Variants in GPR141 observed in about 807,000 individuals in gnomAD.
GPR141 encodes the protein G protein-coupled receptor 141.
Under a neutral mutation model 6.8 loss-of-function variants are expected in GPR141, and 6 were observed. The observed-to-expected ratio is 0.88, with a 90% CI of 0.48 to 1.74. The LOEUF (loss-of-function observed/expected upper bound fraction) is 1.74, where lower values mean the gene tolerates loss of function less well. Among genes scored for constraint, GPR141 ranks in the 40% most tolerant of loss-of-function variants. GPR141 has a pLI of 0.01. For missense variants in GPR141, 372 were observed against 372.9 expected, an observed-to-expected ratio of 1.00 and a Z score of 0.02; for synonymous variants, 140 against 142.3, an observed-to-expected ratio of 0.98 and a Z score of 0.11.
chr7:37,697,182 GTT>G (rs141967098), intron 2 of GPR141, among the ~76,000 whole-genome samples: 3 of 151,354 alleles, frequency 2.0e-5, no homozygotes, highest in East Asian at 1.9e-4. Context: ...TTATTTTACT[GTT>G]TTTTTTTCCC....
intron 2 of GPR141, among the ~76,000 whole-genome samples, chr7:37,736,461 A>C (rs886599954): frequency 6.6e-6 from 1 of 150,956 alleles, no homozygotes; most frequent in Non-Finnish European, 1.5e-5. Flanking sequence ...ACATTAACCT[A>C]TAAATTTAAG....
At chr7:37,737,759 G>A (rs1404913417) in intron 2 of GPR141, among the ~76,000 whole-genome samples, 1 of 152,042 alleles carries the variant, frequency 6.6e-6, no homozygotes, top group Non-Finnish European at 1.5e-5. Flanking sequence ...TTTTGCAATA[G>A]TGCAACAGAC....
intron 2 of GPR141, among the ~76,000 whole-genome samples, chr7:37,691,288 C>CTTTTT (rs1562764892): frequency 2.1e-4 from 13 of 63,084 alleles, no homozygotes; most frequent in East Asian, 1.0e-3. Context: ...AGTCTATATC[C>CTTTTT]TTTTTTTTTT....
chr7:37,722,623 G>C (rs148826205), intron 2 of GPR141, among the ~76,000 whole-genome samples: 14 of 151,286 alleles, frequency 9.3e-5, no homozygotes, highest in Non-Finnish European at 2.1e-4. Flanking sequence ...TTGGGAGGTT[G>C]ATGCAGGAAA....
intron 2 of GPR141, among the ~76,000 whole-genome samples, chr7:37,707,694 T>C (rs1000831437): frequency 3.0e-4 from 46 of 152,204 alleles, no homozygotes; most frequent in Non-Finnish European, 7.4e-5. Flanking sequence ...TAGTAAATAA[T>C]AAAGGCAAGA....
chr7:37,722,080 T>A (rs949344638), intron 2 of GPR141, among the ~76,000 whole-genome samples: 1 of 152,226 alleles, frequency 6.6e-6, no homozygotes, highest in Admixed American at 6.5e-5. Context: ...CTTGGCACTA[T>A]TAATCTATAT....
At chr7:37,687,682 C>T (rs1245674506) in intron 2 of GPR141, among the ~76,000 whole-genome samples, 2 of 152,030 alleles carry the variant, frequency 1.3e-5, no homozygotes, top group East Asian at 3.9e-4. Context: ...AGCTTAGTCC[C>T]CTCTCTGAGG....
chr7:37,707,022 C>T (rs1305641132), intron 2 of GPR141, among the ~76,000 whole-genome samples: 1 of 152,118 alleles, frequency 6.6e-6, no homozygotes, highest in Non-Finnish European at 1.5e-5. Flanking sequence ...CCCTCCAGAG[C>T]TTCCCTGACC....
chr7:37,705,182 C>G (rs1490746108), intron 2 of GPR141, among the ~76,000 whole-genome samples: 1 of 152,180 alleles, frequency 6.6e-6, no homozygotes, highest in African/African-American at 2.4e-5. Flanking sequence ...TATTAAAGCT[C>G]TGAACAGAAT....
intron 2 of GPR141, among the ~76,000 whole-genome samples, chr7:37,695,925 T>C (rs765327011): frequency 6.6e-6 from 1 of 152,236 alleles, no homozygotes; most frequent in Non-Finnish European, 1.5e-5. Flanking sequence ...TTGACAATTT[T>C]AGGTCCCTTG....
chr7:37,687,086 T>C (rs1250377875), intron 2 of GPR141, among the ~76,000 whole-genome samples: 1 of 152,040 alleles, frequency 6.6e-6, no homozygotes, highest in African/African-American at 2.4e-5. Flanking sequence ...TGCTCCCTGA[T>C]AAAGAAGTTC....
At chr7:37,719,278 C>A (rs1024291351) in intron 2 of GPR141, among the ~76,000 whole-genome samples, 1 of 152,188 alleles carries the variant, frequency 6.6e-6, no homozygotes, top group African/African-American at 2.4e-5. Flanking sequence ...TAAGATATGA[C>A]TGCAAAAGCC....
chr7:37,725,830 T>C (rs1781835026), intron 2 of GPR141, among the ~76,000 whole-genome samples: 1 of 151,904 alleles, frequency 6.6e-6, no homozygotes, highest in Non-Finnish European at 1.5e-5. Context: ...CTATTTACCA[T>C]GTTTGCTTTG....
At chr7:37,737,334 T>C (rs1197832603) in intron 2 of GPR141, among the ~76,000 whole-genome samples, 1 of 127,038 alleles carries the variant, frequency 7.9e-6, no homozygotes, top group Non-Finnish European at 1.8e-5. Flanking sequence ...TTGGACTGTT[T>C]ACTCTATTTA....
chr7:37,700,632 A>T (rs554881405), intron 2 of GPR141, among the ~76,000 whole-genome samples: 1 of 152,206 alleles, frequency 6.6e-6, no homozygotes, highest in African/African-American at 2.4e-5. Context: ...GGTACGGTAC[A>T]TTGTTATGAT....
In GPR141 at chr7:37,719,030, C is replaced by T. The variant is rs115853329; in HGVS notation, c.-14-21350C>T. On this transcript the variant is annotated intron_variant, in intron 2 of 2. Coordinates refer to ENST00000334425, the MANE Select transcript of GPR141 (RefSeq NM_001381946.1). ...AGAAGAATAAGCTTTCTTGCCTGTGCGTGAAGAGTTTCACCAGACGATTTC... is the reference window on the plus strand; with the variant it reads ...AGAAGAATAAGCTTTCTTGCCTGTGTGTGAAGAGTTTCACCAGACGATTTC... Among the ~76,000 whole-genome samples, 289 of 152,270 alleles carry T rather than the reference C, an allele frequency of 1.9e-3. 1 individual carries two copies. The highest frequency in any genetic ancestry group is 6.6e-3 in the African/African-American group (274 of 41,552).
intron 2 of GPR141, among the ~76,000 whole-genome samples, chr7:37,719,807 G>A (rs74506960): frequency 1.3e-5 from 2 of 152,080 alleles, no homozygotes; most frequent in Non-Finnish European, 2.9e-5. Flanking sequence ...ACATTCCTTC[G>A]ACTCCTGTGA....
intron 1 of GPR141, among the ~76,000 whole-genome samples, chr7:37,684,122 G>C (rs1396015631): frequency 6.6e-6 from 1 of 152,168 alleles, no homozygotes; most frequent in African/African-American, 2.4e-5. Flanking sequence ...TAATATTTAT[G>C]GGTAAATGTG....
At chr7:37,726,296 A>G (rs1418557127) in intron 2 of GPR141, among the ~76,000 whole-genome samples, 3 of 152,208 alleles carry the variant, frequency 2.0e-5, no homozygotes, top group African/African-American at 4.8e-5. Context: ...GAAGAATGAC[A>G]TCTTCTAATT....
Sources: allele counts gnomAD v4.1 joint callset (sites outside exome capture counted in the v4.1 genomes callset), GRCh38; gene constraint gnomAD v4.1.1; transcripts MANE v1.5; gene names NCBI Gene and HGNC (gene_info 2026-07-23, HGNC 2026-07-21).